Variants in DLG1 observed in about 807,000 individuals in gnomAD.
DLG1 encodes the protein discs large MAGUK scaffold protein 1.
In DLG1, 42 loss-of-function variants were observed where a neutral mutation model predicts 123.4. The ratio of observed to expected loss-of-function variants is 0.34; its 90% confidence interval spans 0.27 to 0.44. The LOEUF (loss-of-function observed/expected upper bound fraction) is 0.44, where lower values mean the gene tolerates loss of function less well. DLG1 is among the 20% of genes least tolerant of loss of function. The pLI is 1.00. For synonymous variants in DLG1, 317 were observed against 356.2 expected, an observed-to-expected ratio of 0.89 and a Z score of 1.24; for missense variants, 942 against 1,082.6, an observed-to-expected ratio of 0.87 and a Z score of 1.82.
At chr3:197,185,074 G>A (rs1561319585) in intron 5 of DLG1, among the ~76,000 whole-genome samples, 1 of 152,156 alleles carries the variant, frequency 6.6e-6, no homozygotes, top group Non-Finnish European at 1.5e-5. Flanking sequence ...TGCTATATTA[G>A]TAATTACAAC....
intron 4 of DLG1, among the ~76,000 whole-genome samples, chr3:197,259,434 A>C (rs1758358395): frequency 6.6e-6 from 1 of 152,104 alleles, no homozygotes; most frequent in Non-Finnish European, 1.5e-5. Context: ...ATACAGAAAG[A>C]GTAATAGCCT....
At chr3:197,292,363 G>A (rs921376436) in intron 3 of DLG1, among the ~76,000 whole-genome samples, 2 of 152,094 alleles carry the variant, frequency 1.3e-5, no homozygotes, top group Non-Finnish European at 2.9e-5. Context: ...TAAGCCAGTC[G>A]CAAAAAGACA....
intron 4 of DLG1, among the ~76,000 whole-genome samples, chr3:197,220,883 A>G (rs765330058): frequency 6.6e-5 from 10 of 152,252 alleles, no homozygotes; most frequent in Non-Finnish European, 1.3e-4. Context: ...AGAAGAAGGA[A>G]GATACTAGAG....
intron 14 of DLG1, among the ~76,000 whole-genome samples, chr3:197,104,216 C>G (rs573881455): frequency 6.6e-6 from 1 of 152,206 alleles, no homozygotes; most frequent in East Asian, 1.9e-4. Context: ...GGCATTATTA[C>G]TATATCTGCT....
In DLG1 at chr3:197,066,981, T is replaced by C. The variant is rs532019327; in HGVS notation, c.2048-227A>G. ...AAATACAAATGGGCTATATAATCAA[T>C]ATTATATTTTATAGATAATCAAATC... On this transcript the variant is annotated intron_variant, in intron 19 of 24. Transcript: ENST00000667157. Among the ~76,000 whole-genome samples the C allele has an allele frequency of 3.9e-5, 6 of 152,262 alleles. No homozygotes were observed. The East Asian group carries it at 1.2e-3, about 29-fold the overall frequency.
intron 18 of DLG1, chr3:197,075,913 T>C: frequency 1.3e-6 from 2 of 1,585,586 alleles, no homozygotes; most frequent in Non-Finnish European, 1.7e-6. Context: ...AAAAAGATAA[T>C]CAAAGAAAAT....
At chr3:197,240,044 A>G (rs964034122) in intron 4 of DLG1, among the ~76,000 whole-genome samples, 3 of 152,124 alleles carry the variant, frequency 2.0e-5, no homozygotes, top group Non-Finnish European at 4.4e-5. Flanking sequence ...ACTGTCCCTT[A>G]TCTTAGCCCA....
chr3:197,270,159 T>C (rs1474346836), intron 4 of DLG1, among the ~76,000 whole-genome samples: 1 of 152,086 alleles, frequency 6.6e-6, no homozygotes, highest in Non-Finnish European at 1.5e-5. Context: ...TCAGGAGCAG[T>C]GAAAACTCAA....
At chr3:197,254,326 C>G in intron 4 of DLG1, among the ~76,000 whole-genome samples, 1 of 152,190 alleles carries the variant, frequency 6.6e-6, no homozygotes, top group East Asian at 1.9e-4. Context: ...ATGAAAGACA[C>G]AAAACTCATC....
chr3:197,056,450 C>T (rs1353209799), intron 23 of DLG1, among the ~76,000 whole-genome samples: 1 of 152,012 alleles, frequency 6.6e-6, no homozygotes, highest in Non-Finnish European at 1.5e-5. Context: ...TAGTCCCTTC[C>T]AGGTTTGGGT....
At chr3:197,284,910 C>A (rs557577474) in intron 3 of DLG1, among the ~76,000 whole-genome samples, 1 of 151,884 alleles carries the variant, frequency 6.6e-6, no homozygotes, top group Non-Finnish European at 1.5e-5. Context: ...GATTCCTGAA[C>A]GCAGATCTAA....
At chr3:197,171,148 T>A (rs1803992832) in intron 5 of DLG1, among the ~76,000 whole-genome samples, 1 of 152,118 alleles carries the variant, frequency 6.6e-6, no homozygotes, top group East Asian at 1.9e-4. Context: ...AAAGAAGCTA[T>A]TTAAAAGTAA....
rs1721100662 is a variant in DLG1 at position 197,043,086 on chromosome 3, C to A, written c.*1537G>T. The A allele has an allele frequency of 6.6e-6, 1 of 152,012 alleles. No individual in the cohort carries two copies. The highest frequency in any genetic ancestry group is 2.1e-4 in the South Asian group (1 of 4,828). 9.4% of individuals were successfully genotyped at this position (152,012 alleles called of 1,614,324 possible). On this transcript the variant is annotated 3_prime_UTR_variant, in exon 25 of 25. Coordinates refer to ENST00000667157, the MANE Select transcript of DLG1 (RefSeq NM_001366207.1). Reference sequence around the variant, plus strand: ...ACAACTCCAAAGAGCAATGGGAAGCCAAATATTATTATTAATATGAAGGAC... The same window carrying A: ...ACAACTCCAAAGAGCAATGGGAAGCAAAATATTATTATTAATATGAAGGAC...
intron 4 of DLG1, chr3:197,225,881 T>G (rs1739624385): frequency 2.0e-5 from 3 of 152,660 alleles, no homozygotes; most frequent in Admixed American, 6.5e-5. Context: ...TTAAGGATAT[T>G]GTGCTGTTGG....
intron 3 of DLG1, among the ~76,000 whole-genome samples, chr3:197,287,400 G>A (rs1251338543): frequency 1.3e-5 from 2 of 152,054 alleles, no homozygotes; most frequent in East Asian, 3.8e-4. Flanking sequence ...TTACAATCTT[G>A]GCAATAGATT....
intron 5 of DLG1, among the ~76,000 whole-genome samples, chr3:197,158,085 C>A (rs897243326): frequency 1.3e-5 from 2 of 152,024 alleles, no homozygotes; most frequent in Non-Finnish European, 2.9e-5. Flanking sequence ...TCCTAAAACT[C>A]GACGATAAAA....
chr3:197,138,276 T>C lies in DLG1; in HGVS notation c.829A>G (p.Arg277Gly). ...GSIVRLYVKR[R>G]KPVSEKIMEI... Reference sequence around the variant, plus strand: ...ATTATTTTTTCTGACACTGGTTTCCTTCTTTTTACATACAAGCGTACAATA... The same window carrying C: ...ATTATTTTTTCTGACACTGGTTTCCCTCTTTTTACATACAAGCGTACAATA... Residue 277 changes from arginine (R) to glycine (G), a missense_variant, in exon 9 of 25, where the codon AGG (arginine) becomes GGG (glycine). Coordinates refer to ENST00000667157, the MANE Select transcript of DLG1 (RefSeq NM_001366207.1). 1 of 1,604,062 alleles carries C rather than the reference T, an allele frequency of 6.2e-7. No homozygotes were observed. Among genetic ancestry groups the C allele is most frequent in the Non-Finnish European group, 8.5e-7 (1 of 1,173,374 alleles).
intron 12 of DLG1, among the ~76,000 whole-genome samples, chr3:197,117,291 C>G (rs1207884964): frequency 6.6e-6 from 1 of 152,164 alleles, no homozygotes; most frequent in Non-Finnish European, 1.5e-5. Context: ...CCTCAGAAAG[C>G]TAACATAGAA....
At chr3:197,252,928 T>C (rs2072969270) in intron 4 of DLG1, among the ~76,000 whole-genome samples, 1 of 152,122 alleles carries the variant, frequency 6.6e-6, no homozygotes, top group South Asian at 2.1e-4. Context: ...ATGTTATGTA[T>C]ATTTTACCAC....
Sources: allele counts gnomAD v4.1 joint callset (sites outside exome capture counted in the v4.1 genomes callset), GRCh38; gene constraint gnomAD v4.1.1; transcripts MANE v1.5; gene names NCBI Gene and HGNC (gene_info 2026-07-23, HGNC 2026-07-21).